CNGB1: variants seen among roughly 807,000 people sequenced by gnomAD.
CNGB1 encodes cyclic nucleotide-gated channel beta-1.
Under a neutral mutation model 151.7 loss-of-function variants are expected in CNGB1, and 126 were observed. That is an observed-to-expected ratio of 0.83 (90% CI 0.72 to 0.96). The LOEUF is 0.96. Among genes scored for constraint, CNGB1 ranks in the 40% least tolerant of loss-of-function variants. The pLI is 0.00. For missense variants in CNGB1, 1,698 were observed against 1,627.0 expected (o/e 1.04, Z -0.75); for synonymous variants, 623 against 635.1 (o/e 0.98, Z 0.29).
intron 22 of CNGB1, 93 bp from the exon 23 acceptor site, chr16:57,915,428 A>G: frequency 1.0e-6 from 1 of 987,256 alleles, no homozygotes; most frequent in East Asian, 2.5e-5. Context: ...CCTTCCATGG[A>G]AAGGTGAGGT....
chr16:57,912,219 C>G (rs1960736221), intron 24 of CNGB1, among the ~76,000 whole-genome samples: 1 of 152,096 alleles, frequency 6.6e-6, no homozygotes, highest in Admixed American at 6.5e-5. Flanking sequence ...GCCTTGCTCC[C>G]TAGCACGGCC....
intron 12 of CNGB1, chr16:57,955,508 C>T (rs889315582): frequency 6.6e-5 from 48 of 728,254 alleles, no homozygotes; most frequent in Non-Finnish European, 9.4e-5. Context: ...CTCCCCATGA[C>T]ATGGGACGTG....
intron 19 of CNGB1, among the ~76,000 whole-genome samples, chr16:57,919,883 G>C (rs1408539695): frequency 1.3e-5 from 2 of 152,094 alleles, no homozygotes; most frequent in Non-Finnish European, 2.9e-5. Flanking sequence ...TGATTTCCAA[G>C]ATACAGCCTT....
At position 57,959,866 on chromosome 16, in the gene CNGB1, C is replaced by T. The variant is rs114990642; in HGVS notation, c.761+22G>A. ...GCTCATCCTGCTCCCTGGTGGGAGG[C>T]GCTGCATTGAGGGTGGCTCACCTGG... On this transcript the variant is annotated intron_variant, in intron 10 of 32. Coordinates refer to ENST00000251102, the MANE Select transcript of CNGB1 (RefSeq NM_001297.5). 1.4e-3 allele frequency: 2,090 copies of T among 1,493,906 alleles called. 29 individuals carry two copies. In the African/African-American group the frequency reaches 0.026, roughly 18 times the overall value. 92.5% of individuals were successfully genotyped at this position (1,493,906 alleles called of 1,614,324 possible). A position where few individuals can be genotyped will look rare whatever the true frequency, so the allele number is the denominator to read the frequency against.
intron 17 of CNGB1, among the ~76,000 whole-genome samples, chr16:57,925,034 G>T (rs1280092490): frequency 1.3e-5 from 2 of 152,030 alleles, no homozygotes; most frequent in Admixed American, 1.3e-4. Flanking sequence ...ATGGAGTCTT[G>T]CTCTGTCACC....
At chr16:57,892,651 T>C (rs8055346) in intron 31 of CNGB1, among the ~76,000 whole-genome samples, 1 of 148,028 alleles carries the variant, frequency 6.8e-6, no homozygotes, top group African/African-American at 2.6e-5. Flanking sequence ...CTCTGAGGTC[T>C]GACCCAATCT....
At chr16:57,941,400 G>A (rs1351980401) in intron 14 of CNGB1, among the ~76,000 whole-genome samples, 4 of 152,198 alleles carry the variant, frequency 2.6e-5, no homozygotes, top group Admixed American at 1.3e-4. Context: ...AGCAAGGACG[G>A]TGGGGCAGGA....
chr16:57,905,507 A>C (rs565665018), intron 25 of CNGB1, among the ~76,000 whole-genome samples: 3 of 152,104 alleles, frequency 2.0e-5, no homozygotes, highest in African/African-American at 7.2e-5. Flanking sequence ...TCTGGAAGGG[A>C]GGTATGGGGG....
At chr16:57,948,722 G>T (rs1479491970) in intron 14 of CNGB1, among the ~76,000 whole-genome samples, 1 of 152,078 alleles carries the variant, frequency 6.6e-6, no homozygotes, top group African/African-American at 2.4e-5. Context: ...GTGTCCAACT[G>T]CCTGCTCTTC....
intron 20 of CNGB1, 102 bp from the exon 21 acceptor site, chr16:57,917,578 C>T: frequency 1.9e-6 from 2 of 1,031,554 alleles, no homozygotes; most frequent in Non-Finnish European, 3.1e-6. Context: ...TCAACTACTA[C>T]ATGTGGCACT....
intron 32 of CNGB1, 46 bp from the exon 33 acceptor site, chr16:57,884,503 G>C (rs920376322): frequency 1.9e-5 from 31 of 1,607,074 alleles, no homozygotes; most frequent in Non-Finnish European, 2.6e-5. Flanking sequence ...CTCTCGGAGG[G>C]GTCTTGGAAG....
chr16:57,910,100 T>C (rs1337459513), intron 25 of CNGB1, among the ~76,000 whole-genome samples: 1 of 152,218 alleles, frequency 6.6e-6, no homozygotes, highest in Non-Finnish European at 1.5e-5. Context: ...CCCCTCCTCT[T>C]GGCCAAGGGC....
In CNGB1 at chr16:57,909,834, C is replaced by A. The variant is rs538137511; in HGVS notation, c.2492+1919G>T. 3.0e-4 allele frequency among the ~76,000 whole-genome samples: 46 copies of A among 152,320 alleles called. No individual in the cohort carries two copies. In the East Asian group the frequency reaches 5.6e-3, roughly 18 times the overall value. ...AGTTAGGACTCTGTGGCCATGACAC[C>A]TGGGTTCAAATCCCAGCTCTGTAAC... On this transcript the variant is annotated intron_variant, in intron 25 of 32. Transcript: ENST00000251102.
chr16:57,898,576 C>T (rs1337777931), intron 29 of CNGB1, among the ~76,000 whole-genome samples: 3 of 152,050 alleles, frequency 2.0e-5, no homozygotes, highest in East Asian at 3.9e-4. Flanking sequence ...CCACCATGCC[C>T]GGCAAATTTT....
chr16:57,904,561 C>T (rs1243428714), intron 26 of CNGB1, among the ~76,000 whole-genome samples, 173 bp downstream of exon 26: 1 of 152,150 alleles, frequency 6.6e-6, no homozygotes, highest in African/African-American at 2.4e-5. Flanking sequence ...CCGAGTTCAC[C>T]ACCACCCCCT....
intron 4 of CNGB1, 181 bp downstream of exon 4, chr16:57,963,949 A>G: frequency 1.7e-6 from 1 of 600,114 alleles, no homozygotes; most frequent in Non-Finnish European, 2.9e-6. Flanking sequence ...TTACTTAGGG[A>G]GAGCCCGCCC....
At chr16:57,926,754 C>A (rs1961201138) in intron 17 of CNGB1, among the ~76,000 whole-genome samples, 1 of 152,124 alleles carries the variant, frequency 6.6e-6, no homozygotes, top group Admixed American at 6.5e-5. Context: ...CTGAGGCGGG[C>A]AGATCACTTG....
intron 17 of CNGB1, among the ~76,000 whole-genome samples, chr16:57,928,167 C>T (rs1403615466): frequency 5.9e-5 from 9 of 152,258 alleles, no homozygotes; most frequent in Non-Finnish European, 1.3e-4. Context: ...GCTGTACACA[C>T]AGCCTTCTCC....
chr16:57,912,756 GGT>G lies in CNGB1; in HGVS notation c.2369+172_2369+173del, dbSNP rs763741890. The stretch of plus-strand genomic sequence containing the variant: ...TGTTGTGTGTGTGCATTGTGTGTTG[GGT>G]GTGTGTATGTTGAATGTTGTGTGTG... On this transcript the variant is annotated intron_variant, in intron 24 of 32. Transcript: ENST00000251102. Among the ~76,000 whole-genome samples the G allele has an allele frequency of 4.0e-5, 6 of 150,318 alleles. No individual in the cohort carries two copies. The East Asian group carries it at 1.2e-3, about 29-fold the overall frequency.
Sources: gnomAD v4.1 joint callset for allele counts (sites outside exome capture counted in the v4.1 genomes callset) on GRCh38, gnomAD v4.1.1 for gene constraint, MANE v1.5 for transcripts, NCBI Gene and HGNC (gene_info 2026-07-23, HGNC 2026-07-21) for gene names.